The following TOM1 variants were observed in gnomAD, a reference collection of about 807,000 sequenced individuals.
TOM1 encodes target of myb1 membrane trafficking protein, also known as target of Myb protein 1.
TOM1 carries 38 observed loss-of-function variants against 61.3 expected under a neutral mutation model. The observed-to-expected ratio is 0.62, with a 90% CI of 0.48 to 0.81. The LOEUF (loss-of-function observed/expected upper bound fraction) is 0.81, where lower values mean the gene tolerates loss of function less well. Ranked by LOEUF, TOM1 falls within the 40% of genes least tolerant of loss-of-function variation. The pLI is 0.00. For missense variants in TOM1, 591 were observed against 659.6 expected (o/e 0.90, Z 1.14); for synonymous variants, 270 against 268.8 (o/e 1.00, Z -0.04).
At position 35,327,439 on chromosome 22, in the gene TOM1, C is replaced by T. The variant is rs371788468; in HGVS notation, c.765+52C>T. ...GCTCAGATGACTCCTGCCCAGCTGC[C>T]CACATGCATTCTTTCCCAATCCTCA... On this transcript the variant is annotated intron_variant, in intron 7 of 14. Coordinates refer to ENST00000449058, the MANE Select transcript of TOM1 (RefSeq NM_005488.3). 3.9e-6 allele frequency: 5 copies of T among 1,266,198 alleles called. No individual in the cohort carries two copies. In the African/African-American group the frequency reaches 7.3e-5, roughly 19 times the overall value. 78.4% of individuals were successfully genotyped at this position (1,266,198 alleles called of 1,614,324 possible). A position where few individuals can be genotyped will look rare whatever the true frequency, so the allele number is the denominator to read the frequency against.
At chr22:35,322,256 G>C in intron 3 of TOM1, 1 of 557,528 alleles carries the variant, frequency 1.8e-6, no homozygotes, top group Non-Finnish European at 3.2e-6. Context: ...GGGAACAGAC[G>C]CTTACATCAC....
intron 12 of TOM1, 140 bp downstream of exon 12, chr22:35,338,928 C>A (rs905886233): frequency 3.9e-6 from 3 of 776,876 alleles, no homozygotes; most frequent in Non-Finnish European, 5.8e-6. Flanking sequence ...CAGGTCGGTT[C>A]TTTTTGGCTA....
At chr22:35,324,603 C>G (rs1426461557) in intron 6 of TOM1, among the ~76,000 whole-genome samples, 1 of 152,202 alleles carries the variant, frequency 6.6e-6, no homozygotes, top group Non-Finnish European at 1.5e-5. Context: ...GGCTGGAGTG[C>G]AGTGGCACCA....
intron 1 of TOM1, among the ~76,000 whole-genome samples, chr22:35,311,861 T>C (rs779445069): frequency 6.6e-6 from 1 of 152,204 alleles, no homozygotes; most frequent in Non-Finnish European, 1.5e-5. Context: ...GTCATTGTTC[T>C]CCATGATGTT....
chr22:35,300,671 A>G (rs1465852846), intron 1 of TOM1, among the ~76,000 whole-genome samples: 2 of 152,160 alleles, frequency 1.3e-5, no homozygotes, highest in Non-Finnish European at 2.9e-5. Flanking sequence ...ACTCGGGCCA[A>G]GCCAAGCCCA....
chr22:35,308,938 G>C (rs1926581137), intron 1 of TOM1, among the ~76,000 whole-genome samples: 1 of 152,116 alleles, frequency 6.6e-6, no homozygotes, highest in Admixed American at 6.6e-5. Flanking sequence ...TTTGAGGAAG[G>C]GTGGCTCAGC....
rs1927236919 is a variant in TOM1 at position 35,315,902 on chromosome 22, C to T, written c.53-1975C>T. Among the ~76,000 whole-genome samples the T allele has an allele frequency of 2.6e-5, 4 of 152,334 alleles. No homozygotes were observed. In the South Asian group the frequency reaches 6.2e-4, roughly 24 times the overall value. ...ATGCCCACCGAGTCCACCATGGTAT[C>T]CCAGTGCCTGGAACCGGCTTGGCTT... is the stretch of plus-strand genomic sequence containing the variant. On this transcript the variant is annotated intron_variant, in intron 1 of 14. Transcript: ENST00000449058.
chr22:35,343,567 CACACCTACACTCAT>C (rs1176835716), intron 12 of TOM1, among the ~76,000 whole-genome samples: 4 of 145,374 alleles, frequency 2.8e-5, no homozygotes, highest in Non-Finnish European at 6.1e-5. Flanking sequence ...CTACACACAC[CACACCTACACTCAT>C]ACACCTACAC....
intron 12 of TOM1, among the ~76,000 whole-genome samples, chr22:35,343,706 CACACACACCACACACACATCT>C (rs1425468121): frequency 7.1e-6 from 1 of 140,270 alleles, no homozygotes; most frequent in Non-Finnish European, 1.5e-5. Context: ...CATACACCTA[CACACACACCACACACACATCT>C]ACACCCACCA....
rs1347310078 is a variant in TOM1, at chr22:35,327,342, G to C, written c.720G>C (p.Glu240Asp). 1.9e-6 allele frequency: 3 copies of C among 1,613,970 alleles called. No homozygotes were observed. Among genetic ancestry groups the C allele is most frequent in the Non-Finnish European group, 1.7e-6 (2 of 1,180,010 alleles). Residue 240 changes from glutamate to aspartate, a missense_variant, in exon 7 of 15, where the codon GAG becomes GAC. By Grantham distance (45) the Glu-to-Asp change is conservative. Transcript: ENST00000449058. ...GGGTGATGTCGGAGATGCTGACGGA[G>C]CTGGTGCCCACCCAGGCCGAGCCCG... is the stretch of plus-strand genomic sequence containing the variant. ...NVRVMSEMLT[E>D]LVPTQAEPAD...
At chr22:35,331,736 A>T (rs1928859794) in intron 8 of TOM1, among the ~76,000 whole-genome samples, 2 of 152,056 alleles carry the variant, frequency 1.3e-5, no homozygotes, top group Non-Finnish European at 2.9e-5. Context: ...AATACAAAAA[A>T]ATTAGCCGGA....
chr22:35,325,033 C>G (rs1928191337), intron 6 of TOM1, among the ~76,000 whole-genome samples: 1 of 152,088 alleles, frequency 6.6e-6, no homozygotes, highest in African/African-American at 2.4e-5. Context: ...TGCTGAGTGA[C>G]TTCTACAGCC....
chr22:35,333,333 A>G, intron 9 of TOM1, 71 bp from the exon 10 acceptor site: 1 of 1,407,356 alleles, frequency 7.1e-7, no homozygotes, highest in Non-Finnish European at 1.0e-6. Context: ...CCTGCAAGCC[A>G]CAGTGCTTGG....
chr22:35,314,913 G>C (rs1242063483), intron 1 of TOM1, among the ~76,000 whole-genome samples: 2 of 152,250 alleles, frequency 1.3e-5, no homozygotes, highest in African/African-American at 2.4e-5. Flanking sequence ...ACACCTTACA[G>C]TGTGTTAAAA....
chr22:35,322,464 C>T (rs901387656), intron 3 of TOM1: 22 of 197,430 alleles, frequency 1.1e-4, no homozygotes, highest in Non-Finnish European at 2.3e-4. Context: ...CTGAACCAGC[C>T]CAGATCTCAG....
intron 1 of TOM1, among the ~76,000 whole-genome samples, chr22:35,317,581 G>A (rs572028293): frequency 2.0e-5 from 3 of 152,280 alleles, no homozygotes; most frequent in Admixed American, 1.3e-4. Context: ...ATAAGCACAC[G>A]GAGGCCCACC....
At chr22:35,313,151 A>G (rs1926983172) in intron 1 of TOM1, among the ~76,000 whole-genome samples, 1 of 152,144 alleles carries the variant, frequency 6.6e-6, no homozygotes, top group Non-Finnish European at 1.5e-5. Context: ...GTTCGAGACC[A>G]GCCTGACCAA....
Position 35,303,724 on chromosome 22 carries a change from C to G in TOM1, c.52+3744C>G, listed in dbSNP as rs1926062046. On this transcript the variant is annotated intron_variant, in intron 1 of 14. Transcript: ENST00000449058. The stretch of plus-strand genomic sequence containing the variant: ...TGTTAGCCAAGCTGGTCTTGAACTC[C>G]TGACCTCAAGTGATCCAGCCACCTT... Among the ~76,000 whole-genome samples the G allele has an allele frequency of 2.6e-5, 4 of 152,080 alleles. No individual in the cohort carries two copies. The South Asian group carries it at 8.3e-4, about 31-fold the overall frequency.
At chr22:35,331,254 C>G (rs545802008) in intron 8 of TOM1, 2 of 445,736 alleles carry the variant, frequency 4.5e-6, no homozygotes, top group African/African-American at 2.0e-5. Flanking sequence ...CACCACCACA[C>G]CCAGCTAATT....
Sources: gnomAD v4.1 joint callset for allele counts (sites outside exome capture counted in the v4.1 genomes callset) on GRCh38, gnomAD v4.1.1 for gene constraint, MANE v1.5 for transcripts, NCBI Gene and HGNC (gene_info 2026-07-23, HGNC 2026-07-21) for gene names.